Variants in COQ8A observed in about 807,000 individuals in gnomAD.
The protein encoded by COQ8A is atypical kinase COQ8A, mitochondrial.
A neutral mutation model predicts 65.0 loss-of-function variants in COQ8A; 51 were observed. That is an observed-to-expected ratio of 0.78 (90% confidence interval 0.63 to 0.99). The LOEUF (loss-of-function observed/expected upper bound fraction) is 0.99, where lower values mean the gene tolerates loss of function less well. Ranked by LOEUF, COQ8A falls within the 50% of genes least tolerant of loss-of-function variation. The pLI is 0.00. For missense variants in COQ8A, 940 were observed against 875.0 expected (o/e 1.07, Z -0.94); for synonymous variants, 371 against 353.2 (o/e 1.05, Z -0.57).
rs1447777914 is a variant in COQ8A at position 226,978,615 on chromosome 1, CCA to C, written c.730+1094_730+1095del. Among the ~76,000 whole-genome samples the C allele has an allele frequency of 3.1e-4, 27 of 86,950 alleles. 2 individuals are homozygous for C. The highest frequency in any genetic ancestry group is 8.2e-4 in the African/African-American group (26 of 31,880). The allele number at this position is 86,950 out of a possible 152,430, so 57.0% of individuals were successfully genotyped here. ...CACACTCTACCCTCTACACACCCGC[CCA>C]CCTTACACTCCACACACCCGCCCAC... On this transcript the variant is annotated intron_variant, in intron 5 of 14. Coordinates refer to ENST00000366777, the MANE Select transcript of COQ8A (RefSeq NM_020247.5).
intron 5 of COQ8A, among the ~76,000 whole-genome samples, chr1:226,978,485 C>A (rs150297231): frequency 6.8e-6 from 1 of 147,918 alleles, no homozygotes; most frequent in Admixed American, 6.7e-5. Context: ...TACCTGCACA[C>A]CTCCTTACAC....
chr1:226,973,560 G>A, intron 4 of COQ8A, among the ~76,000 whole-genome samples: 1 of 152,330 alleles, frequency 6.6e-6, no homozygotes, highest in South Asian at 2.1e-4. Context: ...GGGAACAGAG[G>A]GACAGATCCT....
At position 226,982,488 on chromosome 1, in the gene COQ8A, C is replaced by T. The variant is rs193147440; in HGVS notation, c.854-190C>T. On this transcript the variant is annotated intron_variant, in intron 6 of 14. Coordinates refer to ENST00000366777, the MANE Select transcript of COQ8A (RefSeq NM_020247.5). ...AAGCCCACCTTCTCAGGTCACTGGG[C>T]GGAGGCTGGGGCTCCCGGGAAGCTG... 2.9e-4 allele frequency: 209 copies of T among 711,314 alleles called. 3 individuals are homozygous for T. The Admixed American group carries it at 4.0e-3, about 13-fold the overall frequency. 44.1% of individuals were successfully genotyped at this position (711,314 alleles called of 1,614,324 possible). A position where few individuals can be genotyped will look rare whatever the true frequency, so the allele number is the denominator to read the frequency against.
intron 4 of COQ8A, among the ~76,000 whole-genome samples, chr1:226,967,800 G>A (rs990879269): frequency 6.6e-6 from 1 of 152,206 alleles, no homozygotes; most frequent in South Asian, 2.1e-4. Context: ...CCATCTGTGG[G>A]TGTCTGTGTG....
intron 5 of COQ8A, among the ~76,000 whole-genome samples, chr1:226,977,931 GCCCA>G (rs1320694940): frequency 2.4e-5 from 3 of 126,358 alleles, no homozygotes; most frequent in Non-Finnish European, 5.0e-5. Flanking sequence ...CACACCCCTT[GCCCA>G]CCCACCAAAC....
chr1:226,964,721 C>T (rs767796194), intron 2 of COQ8A, among the ~76,000 whole-genome samples: 11 of 152,242 alleles, frequency 7.2e-5, no homozygotes, highest in African/African-American at 2.4e-4. Context: ...CCGCTGCGGG[C>T]GTAGTGTGCA....
intron 5 of COQ8A, among the ~76,000 whole-genome samples, chr1:226,978,175 A>G (rs1193610257): frequency 1.4e-5 from 2 of 143,340 alleles, no homozygotes; most frequent in East Asian, 2.2e-4. Context: ...GCACCTTTTT[A>G]CATCCTCCAC....
intron 1 of COQ8A, among the ~76,000 whole-genome samples, chr1:226,954,506 G>A (rs1378404077): frequency 6.6e-6 from 1 of 152,338 alleles, no homozygotes; most frequent in Admixed American, 6.5e-5. Context: ...CTGCTGAGAC[G>A]GAACCCTTAG....
rs996754003 is a variant in COQ8A, at chr1:226,949,657, G to A, written c.-10+9258G>A. The stretch of plus-strand genomic sequence containing the variant: ...TCAGGTATGAGACTGTGCCTGGCAG[G>A]AACAACTGCGGGTTATCCAGACTGA... On this transcript the variant is annotated intron_variant, in intron 1 of 14. Coordinates refer to ENST00000366777, the MANE Select transcript of COQ8A (RefSeq NM_020247.5). The surrounding 1 kb of genome is among the most constrained non-coding windows in gnomAD (Gnocchi z 4.0). 3.3e-5 allele frequency among the ~76,000 whole-genome samples: 5 copies of A among 152,162 alleles called. No homozygotes were observed. Among genetic ancestry groups the A allele is most frequent in the African/African-American group, 7.2e-5 (3 of 41,428 alleles).
intron 1 of COQ8A, among the ~76,000 whole-genome samples, chr1:226,945,151 C>G (rs1375068636): frequency 2.0e-5 from 3 of 152,216 alleles, no homozygotes; most frequent in Admixed American, 2.0e-4. Flanking sequence ...TTCCTAATCT[C>G]TGGGAACTAG....
At chr1:226,965,647 G>C (rs764640143) in intron 3 of COQ8A, 24 bp from the exon 4 acceptor site, 15 of 1,613,610 alleles carry the variant, frequency 9.3e-6, no homozygotes, top group Non-Finnish European at 1.3e-5. Context: ...TGATTCCACA[G>C]GTCTCTTTCT....
At chr1:226,967,876 A>G (rs1658657804) in intron 4 of COQ8A, among the ~76,000 whole-genome samples, 1 of 152,226 alleles carries the variant, frequency 6.6e-6, no homozygotes, top group Non-Finnish European at 1.5e-5. Flanking sequence ...TTGACAGATG[A>G]TGTTTCAGGC....
At chr1:226,977,379 C>A in intron 4 of COQ8A, 70 bp from the exon 5 acceptor site, 1 of 1,472,356 alleles carries the variant, frequency 6.8e-7, no homozygotes, top group Non-Finnish European at 9.2e-7. Flanking sequence ...TGCCCCAGGC[C>A]TTGTGGGTGG....
intron 4 of COQ8A, among the ~76,000 whole-genome samples, chr1:226,971,412 C>T (rs769154080): frequency 4.0e-4 from 60 of 151,760 alleles, no homozygotes; most frequent in African/African-American, 2.4e-4. Context: ...GTTAGCTGGG[C>T]GTGGTGGTGG....
chr1:226,983,904 G>C, intron 10 of COQ8A, 50 bp downstream of exon 10: 1 of 1,588,548 alleles, frequency 6.3e-7, no homozygotes, highest in Non-Finnish European at 8.6e-7. Flanking sequence ...GGAGGCAGAA[G>C]GGACCATGTT....
chr1:226,964,746 G>A (rs1242101399), intron 2 of COQ8A, among the ~76,000 whole-genome samples: 1 of 152,242 alleles, frequency 6.6e-6, no homozygotes, highest in African/African-American at 2.4e-5. Context: ...GCCTGGCCCC[G>A]GCTGGGCACA....
In COQ8A at chr1:226,982,976, T is replaced by C. The variant is rs55798516; in HGVS notation, c.1022T>C (p.Ile341Thr). ...GAGCGGCCCTTCGCCGCCGCATCCA[T>C]TGGGCAGGTGCACTTGGCCCGAATG... is the stretch of plus-strand genomic sequence containing the variant. ...FEERPFAAAS[I>T]GQVHLARMKG... is the part of the protein sequence containing the mutation. Residue 341 changes from isoleucine (I) to threonine (T), a missense_variant, in exon 8 of 15, where the codon ATT (isoleucine) becomes ACT (threonine). Transcript: ENST00000366777. The C allele has an allele frequency of 1.6e-5, 26 of 1,603,468 alleles. No homozygotes were observed. The highest frequency in any genetic ancestry group is 1.9e-5 in the Non-Finnish European group (22 of 1,175,668).
chr1:226,960,485 TTGGTGG>T (rs1180715002), intron 1 of COQ8A, among the ~76,000 whole-genome samples: 7 of 12,438 alleles, frequency 5.6e-4, no homozygotes, highest in East Asian at 2.1e-3. Flanking sequence ...GCAGTGGTAC[TTGGTGG>T]TGGTGGTGGT....
intron 14 of COQ8A, among the ~76,000 whole-genome samples, chr1:226,985,560 G>A (rs1352308929): frequency 1.3e-5 from 2 of 152,204 alleles, no homozygotes; most frequent in African/African-American, 2.4e-5. Context: ...TTGTCGTGAA[G>A]CTCTTGTTTC....
Sources: allele counts gnomAD v4.1 joint callset (sites outside exome capture counted in the v4.1 genomes callset), GRCh38; gene constraint gnomAD v4.1.1; non-coding constraint Gnocchi (gnomAD v3.1); transcripts MANE v1.5; gene names NCBI Gene and HGNC (gene_info 2026-07-23, HGNC 2026-07-21).